Variants in NDST4 observed in about 807,000 individuals in gnomAD.
NDST4 encodes N-heparan sulfate sulfotransferase 4.
A neutral mutation model predicts 100.8 loss-of-function variants in NDST4; 63 were observed. The ratio of observed to expected loss-of-function variants is 0.62; its 90% CI spans 0.51 to 0.77. The LOEUF (loss-of-function observed/expected upper bound fraction) is 0.77, where lower values mean the gene tolerates loss of function less well. NDST4 is among the 30% of genes least tolerant of loss of function. NDST4 has a pLI of 0.00. For missense variants in NDST4, 943 were observed against 1,018.4 expected, an observed-to-expected ratio of 0.93 and a Z score of 1.01; for synonymous variants, 377 against 361.8, an observed-to-expected ratio of 1.04 and a Z score of -0.48.
intron 2 of NDST4, among the ~76,000 whole-genome samples, chr4:114,992,843 T>C (rs887323180): frequency 6.6e-6 from 1 of 151,892 alleles, no homozygotes; most frequent in African/African-American, 2.4e-5. Context: ...TGATCCCAAA[T>C]CTGTTCTTTA....
chr4:114,976,906 C>T lies in NDST4; in HGVS notation c.1066+281G>A, dbSNP rs564863331. 1.4e-4 allele frequency among the ~76,000 whole-genome samples: 22 copies of T among 151,996 alleles called. No homozygotes were observed. The East Asian group carries it at 4.0e-3, about 28-fold the overall frequency. On this transcript the variant is annotated intron_variant, in intron 3 of 13. Coordinates refer to ENST00000264363, the MANE Select transcript of NDST4 (RefSeq NM_022569.3). ...TACTATGCCTTCTACCCATACTGTG[C>T]TGAGAAACAAGATGCACAGTCATAC...
At chr4:114,867,035 AC>A (rs1724041872) in intron 7 of NDST4, among the ~76,000 whole-genome samples, 1 of 152,066 alleles carries the variant, frequency 6.6e-6, no homozygotes, top group Non-Finnish European at 1.5e-5. Flanking sequence ...GAGTAAGAAA[AC>A]CTAGGGCTTT....
intron 4 of NDST4, among the ~76,000 whole-genome samples, chr4:114,950,109 A>T (rs527298275): frequency 6.6e-6 from 1 of 152,132 alleles, no homozygotes; most frequent in Non-Finnish European, 1.5e-5. Context: ...GGTCATTTAT[A>T]CAGTTGGATT....
intron 2 of NDST4, among the ~76,000 whole-genome samples, chr4:115,021,756 C>T (rs1443590789): frequency 6.8e-6 from 1 of 147,528 alleles, no homozygotes; most frequent in Non-Finnish European, 1.5e-5. Flanking sequence ...CATATATATA[C>T]CTCCCACATC....
At chr4:115,070,079 C>A (rs999349239) in intron 2 of NDST4, among the ~76,000 whole-genome samples, 2 of 151,798 alleles carry the variant, frequency 1.3e-5, no homozygotes, top group African/African-American at 2.4e-5. Flanking sequence ...GTATATATAC[C>A]CAAAGGAATA....
Position 114,970,451 on chromosome 4 carries a change from A to G in NDST4, c.1200T>C (p.Ile400=), listed in dbSNP as rs1726486365. ...HNESSLVEQM[I]LNKEFALEHG... is the part of the protein sequence containing the mutation. ...TCACCAGTGCAAATTCCTTGTTGAG[A>G]ATCATCTGCTCTACTAAAGATGACT... Residue 400 remains isoleucine, a synonymous_variant, in exon 4 of 14, where the codon ATT becomes ATC. Coordinates refer to ENST00000264363, the MANE Select transcript of NDST4 (RefSeq NM_022569.3). The G allele has an allele frequency of 1.9e-6, 3 of 1,613,544 alleles. No individual in the cohort carries two copies. Among genetic ancestry groups the G allele is most frequent in the Admixed American group, 1.7e-5 (1 of 59,950 alleles).
At chr4:115,022,421 T>TATATATATATGTGTTCC (rs1560570141) in intron 2 of NDST4, among the ~76,000 whole-genome samples, 456 of 101,234 alleles carry the variant, frequency 4.5e-3, no homozygotes, top group Non-Finnish European at 6.5e-3. Flanking sequence ...ATGTGTTCCA[T>TATATATATATGTGTTCC]ATATATGTGT....
intron 3 of NDST4, 27 bp downstream of exon 3, chr4:114,977,160 G>A (rs1179183676): frequency 6.6e-6 from 9 of 1,369,912 alleles, no homozygotes; most frequent in Non-Finnish European, 9.3e-6. Context: ...ATATGTAGCT[G>A]CCTGAGAACA....
intron 6 of NDST4, among the ~76,000 whole-genome samples, chr4:114,895,939 A>AC (rs1377590618): frequency 2.6e-5 from 4 of 152,160 alleles, no homozygotes; most frequent in Non-Finnish European, 5.9e-5. Flanking sequence ...AAAGACAAAA[A>AC]CAACATGCTT....
At chr4:114,969,654 T>G (rs2126240481) in intron 4 of NDST4, among the ~76,000 whole-genome samples, 1 of 152,324 alleles carries the variant, frequency 6.6e-6, no homozygotes, top group South Asian at 2.1e-4. Flanking sequence ...TCTCATTCTT[T>G]TTTATGGCTG....
At chr4:115,014,009 T>G (rs977460519) in intron 2 of NDST4, among the ~76,000 whole-genome samples, 4 of 152,036 alleles carry the variant, frequency 2.6e-5, no homozygotes, top group East Asian at 1.9e-4. Context: ...TGGATTACCC[T>G]AAGCCTACAC....
rs146792647 is a variant in NDST4 at position 114,833,630 on chromosome 4, C to A, written c.2372G>T (p.Arg791Leu). 1 of 1,611,054 alleles carries A rather than the reference C, an allele frequency of 6.2e-7. No individual in the cohort carries two copies. The highest frequency in any genetic ancestry group is 1.1e-5 in the South Asian group (1 of 90,832). The change falls in exon 12 of 14, where the codon CGT (arginine) becomes CTT (leucine). Residue 791 changes from arginine to leucine, a missense_variant. This residue lies in a region of NDST4 where 526 missense variants were observed against 634.1 expected (regional missense o/e 0.83). Transcript: ENST00000264363. The stretch of plus-strand genomic sequence containing the variant: ...CGTTAGTGCTTCAGAGTAATTATAA[C>A]GAGGTGTAACTCCCAGAAACTTCTG... ...EVQKFLGVTP[R>L]YNYSEALTFD...
Position 114,859,368 on chromosome 4 carries a change from A to G in NDST4, c.1720-6547T>C, listed in dbSNP as rs1207932853. On this transcript the variant is annotated intron_variant, in intron 7 of 13. Coordinates refer to ENST00000264363, the MANE Select transcript of NDST4 (RefSeq NM_022569.3). ...TTTCACCTTTGGGACCAAAAGCAGC[A>G]ATTGTGTTATAGTTTCTCAAAATAA... Among the ~76,000 whole-genome samples, 3 of 152,344 alleles carry G rather than the reference A, an allele frequency of 2.0e-5. No individual in the cohort carries two copies. The East Asian group carries it at 5.8e-4, about 29-fold the overall frequency.
rs543357719 is a variant in NDST4 at position 114,901,940 on chromosome 4, A to G, written c.1537-30990T>C. Among the ~76,000 whole-genome samples the G allele has an allele frequency of 1.7e-4, 26 of 152,052 alleles. 1 individual carries two copies. The highest frequency in any genetic ancestry group is 1.7e-3 in the Admixed American group (26 of 15,260). On this transcript the variant is annotated intron_variant, in intron 6 of 13. Transcript: ENST00000264363. ...TTATACTGCTTCATGCGTAGTGCAA[A>G]TATCTTTTAAGAAAAGAAATCCTAA... is the stretch of plus-strand genomic sequence containing the variant.
rs768269612 is a variant in NDST4, at chr4:115,067,907, C to T, written c.978+8152G>A. Among the ~76,000 whole-genome samples the T allele has an allele frequency of 9.9e-5, 12 of 121,646 alleles. No individual in the cohort carries two copies. The East Asian group carries it at 1.3e-3, about 13-fold the overall frequency. The allele number at this position is 121,646 out of a possible 152,430, so 79.8% of individuals were successfully genotyped here. Reference sequence around the variant, plus strand: ...ATCCCTCCTCCCTCCCCCCACCCCACGACAGGCCCCAGTGTGTGATGTTCC... The same window carrying T: ...ATCCCTCCTCCCTCCCCCCACCCCATGACAGGCCCCAGTGTGTGATGTTCC... On this transcript the variant is annotated intron_variant, in intron 2 of 13. Transcript: ENST00000264363.
At chr4:115,037,693 G>C (rs770142807) in intron 2 of NDST4, among the ~76,000 whole-genome samples, 7 of 151,936 alleles carry the variant, frequency 4.6e-5, no homozygotes, top group Non-Finnish European at 8.8e-5. Flanking sequence ...TAAATAGTTG[G>C]TTTGAGTAAC....
chr4:114,995,608 T>A (rs1385809060), intron 2 of NDST4, among the ~76,000 whole-genome samples: 1 of 152,098 alleles, frequency 6.6e-6, no homozygotes, highest in Non-Finnish European at 1.5e-5. Context: ...TGTTAAACAA[T>A]CCTGATACTT....
At chr4:114,908,174 TC>T (rs1036352183) in intron 6 of NDST4, among the ~76,000 whole-genome samples, 1 of 152,152 alleles carries the variant, frequency 6.6e-6, no homozygotes. Flanking sequence ...ATAAATAAAT[TC>T]TGACATCAGG....
chr4:114,955,961 C>G (rs1219492762), intron 4 of NDST4: 2 of 152,232 alleles, frequency 1.3e-5, no homozygotes, highest in Admixed American at 1.3e-4. Context: ...CATTTCTCCT[C>G]TCCGCATCTC....
Sources: gnomAD v4.1 joint callset for allele counts (sites outside exome capture counted in the v4.1 genomes callset) on GRCh38, gnomAD v4.1.1 for gene constraint, gnomAD v4.1.1 regional missense constraint, MANE v1.5 for transcripts, NCBI Gene and HGNC (gene_info 2026-07-23, HGNC 2026-07-21) for gene names.